C10orf67: variants seen among roughly 807,000 people sequenced by gnomAD.
C10orf67 encodes the protein chromosome 10 open reading frame 67, also known as uncharacterized protein C10orf67, mitochondrial.
Under a neutral mutation model 35.6 loss-of-function variants are expected in C10orf67, and 60 were observed. The observed-to-expected ratio is 1.68, with a 90% CI of 1.37 to 2.09. The LOEUF is 2.09. C10orf67 is among the 30% of genes most tolerant of loss of function. The pLI is 0.00. For missense variants in C10orf67, 474 were observed against 330.2 expected (o/e 1.44, Z -3.38); for synonymous variants, 167 against 115.8 (o/e 1.44, Z -2.84).
chr10:23,246,063 G>T (rs746696936), intron 12 of C10orf67, among the ~76,000 whole-genome samples: 2 of 152,224 alleles, frequency 1.3e-5, no homozygotes, highest in African/African-American at 2.4e-5. Flanking sequence ...TATGGATGGA[G>T]CTGGAAGCCA....
chr10:23,311,645 A>C (rs895895711), intron 4 of C10orf67, among the ~76,000 whole-genome samples: 6 of 152,014 alleles, frequency 3.9e-5, no homozygotes, highest in Non-Finnish European at 8.8e-5. Flanking sequence ...CGGGAGGCAG[A>C]GGTTGCTGTG....
intron 1 of C10orf67, among the ~76,000 whole-genome samples, chr10:23,342,218 C>CCCCACACA (rs1554819311): frequency 6.0e-5 from 9 of 149,584 alleles, no homozygotes; most frequent in South Asian, 4.2e-4. Flanking sequence ...TCCCCACTTG[C>CCCCACACA]CACACACACA....
At chr10:23,318,672 A>T in intron 4 of C10orf67, 1 of 508,340 alleles carries the variant, frequency 2.0e-6, no homozygotes, top group Non-Finnish European at 3.5e-6. Context: ...TTTGGCACAG[A>T]GTCACAGAGA....
intron 8 of C10orf67, among the ~76,000 whole-genome samples, chr10:23,279,838 A>T (rs1843314563): frequency 6.6e-6 from 1 of 151,200 alleles, no homozygotes; most frequent in Non-Finnish European, 1.5e-5. Context: ...TATAATAAAT[A>T]AATAAATAAA....
At chr10:23,331,926 A>C (rs149031654) in intron 2 of C10orf67, among the ~76,000 whole-genome samples, 27 of 152,356 alleles carry the variant, frequency 1.8e-4, no homozygotes, top group African/African-American at 6.3e-4. Flanking sequence ...AAAAGAAGAC[A>C]ATAAATTGGC....
chr10:23,268,909 T>C (rs1033437830), intron 8 of C10orf67, among the ~76,000 whole-genome samples: 2 of 152,312 alleles, frequency 1.3e-5, no homozygotes, highest in Non-Finnish European at 2.9e-5. Context: ...TATTCAAACA[T>C]AGAAAAGTTA....
At chr10:23,256,068 C>T (rs932021899) in intron 10 of C10orf67, among the ~76,000 whole-genome samples, 23 of 152,302 alleles carry the variant, frequency 1.5e-4, no homozygotes, top group Admixed American at 1.3e-3. Context: ...GTGGCATGAT[C>T]TTGGCTCACT....
rs182543230 is a variant in C10orf67 at position 23,203,918 on chromosome 10, C to T, written c.*255G>A. 1,300 of 319,694 alleles carry T rather than the reference C, an allele frequency of 4.1e-3. 4 individuals are homozygous for T. The highest frequency in any genetic ancestry group is 5.0e-3 in the Non-Finnish European group (885 of 177,340). The allele number at this position is 319,694 out of a possible 1,614,324, so 19.8% of individuals were successfully genotyped here. A position where few individuals can be genotyped will look rare whatever the true frequency, so the allele number is the denominator to read the frequency against. On this transcript the variant is annotated 3_prime_UTR_variant, in exon 16 of 16. Coordinates refer to ENST00000636213, the MANE Select transcript of C10orf67 (RefSeq NM_001371909.1). ...GAGCTCCTGAATGGATGTGGTTGCC[C>T]CGGAGGTTCAGTGCGCCCCGCTCAC...
In C10orf67 at chr10:23,204,000, CA is replaced by C. The variant is rs1841087857; in HGVS notation, c.*172del. 5.2e-6 allele frequency: 2 copies of C among 381,776 alleles called. No individual in the cohort carries two copies. Among genetic ancestry groups the C allele is most frequent in the Admixed American group, 4.5e-5 (1 of 22,090 alleles). The allele number at this position is 381,776 out of a possible 1,614,324, so 23.6% of individuals were successfully genotyped here. ...TGGAAAGGAGCGCGCACAAGGCGCG[CA>C]TTGAGGTCTATTCGAGCGCAGTGCT... is the stretch of plus-strand genomic sequence containing the variant. On this transcript the variant is annotated 3_prime_UTR_variant, in exon 16 of 16. Transcript: ENST00000636213.
intron 2 of C10orf67, 71 bp downstream of exon 2, chr10:23,332,991 C>G: frequency 6.9e-7 from 1 of 1,445,562 alleles, no homozygotes; most frequent in Non-Finnish European, 9.5e-7. Context: ...TCACTTTTGT[C>G]TATGAAAGAA....
chr10:23,304,631 A>G (rs1448272388), intron 4 of C10orf67, among the ~76,000 whole-genome samples: 2 of 152,068 alleles, frequency 1.3e-5, no homozygotes, highest in African/African-American at 4.8e-5. Flanking sequence ...TGCAGACCCC[A>G]GTCTCAGTGT....
intron 2 of C10orf67, among the ~76,000 whole-genome samples, chr10:23,325,972 C>G (rs1272956464): frequency 6.6e-6 from 1 of 151,948 alleles, no homozygotes; most frequent in Non-Finnish European, 1.5e-5. Context: ...AAACTGTGAA[C>G]TTGAAGATGT....
chr10:23,232,327 C>A (rs1246077290), intron 13 of C10orf67, among the ~76,000 whole-genome samples: 1 of 152,064 alleles, frequency 6.6e-6, no homozygotes. Flanking sequence ...GAACCTTACT[C>A]CCTGGATAAA....
At chr10:23,312,393 C>T (rs762189503) in intron 4 of C10orf67, among the ~76,000 whole-genome samples, 2 of 152,100 alleles carry the variant, frequency 1.3e-5, no homozygotes, top group Non-Finnish European at 2.9e-5. Context: ...TCTGACATGC[C>T]TTCATAATTT....
intron 8 of C10orf67, among the ~76,000 whole-genome samples, chr10:23,272,526 T>C (rs1402113730): frequency 6.6e-6 from 1 of 152,236 alleles, no homozygotes; most frequent in Non-Finnish European, 1.5e-5. Flanking sequence ...ACTTCTAGAT[T>C]CTCTAGTCTA....
At chr10:23,292,023 G>T (rs1490384613) in intron 5 of C10orf67, among the ~76,000 whole-genome samples, 1 of 152,026 alleles carries the variant, frequency 6.6e-6, no homozygotes, top group Non-Finnish European at 1.5e-5. Context: ...TACAACAAAA[G>T]ACTTTAAAGT....
At chr10:23,321,077 G>A (rs1316177855) in intron 3 of C10orf67, among the ~76,000 whole-genome samples, 7 of 152,312 alleles carry the variant, frequency 4.6e-5, no homozygotes, top group South Asian at 2.1e-4. Context: ...TTTCACTTGA[G>A]TAAAGTCTTT....
intron 10 of C10orf67, among the ~76,000 whole-genome samples, chr10:23,253,267 T>C (rs552303497): frequency 7.4e-4 from 112 of 152,288 alleles, no homozygotes; most frequent in African/African-American, 2.6e-3. Context: ...AGTACGTGGG[T>C]TGAAGCTGAA....
chr10:23,249,290 C>T (rs896150196), intron 12 of C10orf67, among the ~76,000 whole-genome samples: 4 of 152,038 alleles, frequency 2.6e-5, no homozygotes. Context: ...TTTTATTCAG[C>T]TCTAGAGATA....
Sources: allele counts gnomAD v4.1 joint callset (sites outside exome capture counted in the v4.1 genomes callset), GRCh38; gene constraint gnomAD v4.1.1; transcripts MANE v1.5; gene names NCBI Gene and HGNC (gene_info 2026-07-23, HGNC 2026-07-21).